Variants in PDS5B observed in about 807,000 individuals in gnomAD.
PDS5B encodes sister chromatid cohesion protein PDS5 homolog B.
Under a neutral mutation model 184.1 loss-of-function variants are expected in PDS5B, and 51 were observed. That is an observed-to-expected ratio of 0.28 (90% CI 0.22 to 0.35). The LOEUF (loss-of-function observed/expected upper bound fraction) is 0.35. Among genes scored for constraint, PDS5B ranks in the 10% least tolerant of loss-of-function variants. The pLI is 1.00. For synonymous variants in PDS5B, 566 were observed against 569.2 expected (o/e 0.99, Z 0.08); for missense variants, 1,180 against 1,723.3 (o/e 0.68, Z 5.58).
At chr13:32,744,026 A>G (rs1376184981) in intron 23 of PDS5B, among the ~76,000 whole-genome samples, 3 of 152,242 alleles carry the variant, frequency 2.0e-5, no homozygotes, top group African/African-American at 4.8e-5. Flanking sequence ...ATATTCAGCT[A>G]TATAAACTTT....
chr13:32,715,436 T>C (rs1358213600), intron 19 of PDS5B, among the ~76,000 whole-genome samples: 4 of 152,222 alleles, frequency 2.6e-5, no homozygotes, highest in Admixed American at 2.6e-4. Context: ...TTTGTATATC[T>C]CTGATTTGTC....
intron 17 of PDS5B, among the ~76,000 whole-genome samples, chr13:32,703,806 T>A (rs1340631417): frequency 1.3e-5 from 2 of 152,108 alleles, no homozygotes; most frequent in African/African-American, 4.8e-5. Context: ...ATGTACCCTT[T>A]AAAAAAAATT....
chr13:32,643,183 T>C (rs1489372356), intron 1 of PDS5B, among the ~76,000 whole-genome samples: 1 of 152,146 alleles, frequency 6.6e-6, no homozygotes, highest in Non-Finnish European at 1.5e-5. Flanking sequence ...GAGAAGCTTA[T>C]CACATTTATC....
intron 1 of PDS5B, among the ~76,000 whole-genome samples, chr13:32,616,034 G>T (rs1285070825): frequency 6.6e-6 from 1 of 151,356 alleles, no homozygotes; most frequent in Admixed American, 6.6e-5. Context: ...AGCTAGAAGT[G>T]ATATTTTTCC....
At chr13:32,685,579 G>C (rs1233049851) in intron 11 of PDS5B, among the ~76,000 whole-genome samples, 1 of 152,180 alleles carries the variant, frequency 6.6e-6, no homozygotes, top group Non-Finnish European at 1.5e-5. Flanking sequence ...TCTCTTTGAA[G>C]AAGAGGGAAT....
intron 29 of PDS5B, 108 bp downstream of exon 29, chr13:32,759,798 G>T: frequency 1.8e-6 from 1 of 560,218 alleles, no homozygotes; most frequent in Non-Finnish European, 3.1e-6. Flanking sequence ...TTTTCAAGCT[G>T]GAAAATATAA....
chr13:32,773,354 T>TG, intron 34 of PDS5B, 30 bp downstream of exon 34: 1 of 1,578,774 alleles, frequency 6.3e-7, no homozygotes, highest in East Asian at 2.3e-5. Context: ...GTGAGTGGTG[T>TG]GGGATATAAA....
At chr13:32,606,893 G>T (rs144633043) in intron 1 of PDS5B, among the ~76,000 whole-genome samples, 4 of 152,182 alleles carry the variant, frequency 2.6e-5, no homozygotes, top group African/African-American at 7.2e-5. Context: ...CGTAGTTCTC[G>T]TGCCATGGTT....
chr13:32,595,105 C>G (rs1413516747), intron 1 of PDS5B, among the ~76,000 whole-genome samples: 1 of 152,086 alleles, frequency 6.6e-6, no homozygotes, highest in Non-Finnish European at 1.5e-5. Flanking sequence ...CCAAACTGAT[C>G]TACCTTCTCT....
At chr13:32,674,412 T>C (rs1033355211) in intron 8 of PDS5B, among the ~76,000 whole-genome samples, 6 of 152,130 alleles carry the variant, frequency 3.9e-5, no homozygotes, top group Non-Finnish European at 7.3e-5. Flanking sequence ...ATTTCTCAAA[T>C]GAGCCATTCA....
chr13:32,669,648 A>G (rs188190477), intron 7 of PDS5B, among the ~76,000 whole-genome samples: 137 of 152,292 alleles, frequency 9.0e-4, no homozygotes, highest in Middle Eastern at 3.4e-3. Context: ...TGCTTGCAGA[A>G]ATAGAATCCT....
At chr13:32,617,238 G>C (rs1177044110) in intron 1 of PDS5B, among the ~76,000 whole-genome samples, 1 of 152,178 alleles carries the variant, frequency 6.6e-6, no homozygotes, top group East Asian at 1.9e-4. Flanking sequence ...CTAGGGTGAT[G>C]AAATTATCCT....
rs1351265633 is a variant in PDS5B at position 32,755,810 on chromosome 13, T to G, written c.2942-32T>G. Reference sequence around the variant, plus strand: ...TTGTTTTTTGCTTTTTCTTTTGTTTTTTTTTGTTTGTTTGTTTGTTTTCTT... The same window carrying G: ...TTGTTTTTTGCTTTTTCTTTTGTTTGTTTTTGTTTGTTTGTTTGTTTTCTT... On this transcript the variant is annotated intron_variant, in intron 25 of 34. Coordinates refer to ENST00000315596, the MANE Select transcript of PDS5B (RefSeq NM_015032.4). The G allele has an allele frequency of 3.7e-6, 4 of 1,077,324 alleles. No homozygotes were observed. In the African/African-American group the frequency reaches 4.8e-5, roughly 13 times the overall value. 66.7% of individuals were successfully genotyped at this position (1,077,324 alleles called of 1,614,324 possible). A position where few individuals can be genotyped will look rare whatever the true frequency, so the allele number is the denominator to read the frequency against.
chr13:32,675,693 A>G (rs1279998022), intron 8 of PDS5B, 151 bp from the exon 9 acceptor site: 2 of 532,222 alleles, frequency 3.8e-6, no homozygotes, highest in Admixed American at 3.2e-5. Flanking sequence ...TGTGAAAAGT[A>G]TAGTGAGCAT....
At chr13:32,655,413 C>T (rs575501848) in intron 3 of PDS5B, among the ~76,000 whole-genome samples, 3 of 72,762 alleles carry the variant, frequency 4.1e-5, no homozygotes, top group African/African-American at 1.5e-4. Context: ...GAGTTTCACA[C>T]CGTTGCTCAG....
intron 1 of PDS5B, among the ~76,000 whole-genome samples, chr13:32,647,692 C>G (rs1000056137): frequency 6.6e-6 from 1 of 151,920 alleles, no homozygotes; most frequent in Non-Finnish European, 1.5e-5. Context: ...CTAGTTTAGT[C>G]TTTATAATTT....
intron 7 of PDS5B, among the ~76,000 whole-genome samples, chr13:32,669,623 A>G (rs1330241076): frequency 6.6e-6 from 1 of 152,156 alleles, no homozygotes; most frequent in Non-Finnish European, 1.5e-5. Context: ...CCTTGTGTTA[A>G]TTTCCTGTTG....
At chr13:32,667,351 C>T (rs142882520) in intron 6 of PDS5B, among the ~76,000 whole-genome samples, 63 of 152,280 alleles carry the variant, frequency 4.1e-4, no homozygotes, top group African/African-American at 1.3e-3. Context: ...TGTCCCTCCC[C>T]GCCTATGGGA....
intron 33 of PDS5B, 48 bp downstream of exon 33, chr13:32,770,809 A>G (rs781369396): frequency 3.3e-5 from 46 of 1,388,136 alleles, no homozygotes; most frequent in Non-Finnish European, 4.4e-5. Context: ...TTATTTTGCA[A>G]AAGTTCCTAA....
Sources: allele counts gnomAD v4.1 joint callset (sites outside exome capture counted in the v4.1 genomes callset), GRCh38; gene constraint gnomAD v4.1.1; transcripts MANE v1.5; gene names NCBI Gene and HGNC (gene_info 2026-07-23, HGNC 2026-07-21).